Variants in KCNQ5 observed in about 807,000 individuals in gnomAD.
KCNQ5 encodes potassium voltage-gated channel subfamily KQT member 5.
A neutral mutation model predicts 98.2 loss-of-function variants in KCNQ5; 30 were observed. The ratio of observed to expected loss-of-function variants is 0.31; its 90% CI spans 0.23 to 0.41. KCNQ5 has a LOEUF of 0.41. Ranked by LOEUF, KCNQ5 falls within the 10% of genes least tolerant of loss-of-function variation. KCNQ5 has a pLI of 1.00. For synonymous variants in KCNQ5, 458 were observed against 449.4 expected (o/e 1.02, Z -0.24); for missense variants, 835 against 1,182.5 (o/e 0.71, Z 4.31).
intron 3 of KCNQ5, among the ~76,000 whole-genome samples, chr6:73,069,212 T>C (rs1261963751): frequency 1.3e-5 from 2 of 152,192 alleles, no homozygotes; most frequent in Non-Finnish European, 2.9e-5. Context: ...GTGTTTTATG[T>C]TTATATATTA....
At chr6:73,085,619 C>T (rs144030158) in intron 5 of KCNQ5, among the ~76,000 whole-genome samples, 1,601 of 152,228 alleles carry the variant, frequency 0.011, 12 homozygotes, top group Middle Eastern at 0.086. Context: ...TTTGCTCACC[C>T]CCAGAGGAAC....
intron 1 of KCNQ5, among the ~76,000 whole-genome samples, chr6:72,649,682 T>G (rs562080681): frequency 1.3e-4 from 20 of 152,288 alleles, no homozygotes; most frequent in African/African-American, 4.6e-4. Flanking sequence ...TAGAAAATTC[T>G]TCAGCTTGTA....
At chr6:73,088,691 T>A (rs1774096435) in intron 5 of KCNQ5, among the ~76,000 whole-genome samples, 2 of 152,228 alleles carry the variant, frequency 1.3e-5, no homozygotes, top group African/African-American at 4.8e-5. Flanking sequence ...GCATTAGTCA[T>A]ACTGACATTT....
chr6:72,987,342 CG>C, intron 1 of KCNQ5: 1 of 715,094 alleles, frequency 1.4e-6, no homozygotes, highest in Non-Finnish European at 2.6e-6. Flanking sequence ...CCAGGTGAGG[CG>C]AAAGGCCTTG....
intron 10 of KCNQ5, among the ~76,000 whole-genome samples, chr6:73,156,632 G>A (rs76918213): frequency 2.6e-5 from 4 of 151,326 alleles, no homozygotes; most frequent in Non-Finnish European, 5.9e-5. Flanking sequence ...CAAAAAAAAC[G>A]AAAACAAAAA....
At chr6:72,776,260 G>C (rs1057352281) in intron 1 of KCNQ5, among the ~76,000 whole-genome samples, 4 of 152,240 alleles carry the variant, frequency 2.6e-5, no homozygotes, top group East Asian at 1.9e-4. Flanking sequence ...ACAAGGAATA[G>C]TTGCATAACC....
chr6:72,642,759 T>C (rs1396253902), intron 1 of KCNQ5, among the ~76,000 whole-genome samples: 1 of 152,134 alleles, frequency 6.6e-6, no homozygotes, highest in Non-Finnish European at 1.5e-5. Context: ...CATTACTGGA[T>C]ATGTACCCAA....
intron 5 of KCNQ5, among the ~76,000 whole-genome samples, chr6:73,099,181 A>G (rs933109374): frequency 2.0e-5 from 3 of 152,166 alleles, no homozygotes; most frequent in African/African-American, 7.2e-5. Context: ...AAAGCAAGAA[A>G]CTAAATCATA....
intron 1 of KCNQ5, among the ~76,000 whole-genome samples, chr6:72,838,452 TAAC>T (rs1293528300): frequency 1.3e-5 from 2 of 152,150 alleles, no homozygotes; most frequent in Non-Finnish European, 2.9e-5. Context: ...AAACATAGCT[TAAC>T]AACACTGCTC....
Position 72,649,073 on chromosome 6 carries a change from C to G in KCNQ5, c.398+26486C>G, listed in dbSNP as rs191264710. 2.4e-4 allele frequency among the ~76,000 whole-genome samples: 37 copies of G among 152,210 alleles called. No individual in the cohort carries two copies. The East Asian group carries it at 7.2e-3, about 29-fold the overall frequency. Reference sequence around the variant, plus strand: ...CATGTGACCAAACAAATGCACGAAGCCTGGAGATGGCTGTGTTTGAGCACA... The same window carrying G: ...CATGTGACCAAACAAATGCACGAAGGCTGGAGATGGCTGTGTTTGAGCACA... On this transcript the variant is annotated intron_variant, in intron 1 of 13. Coordinates refer to ENST00000370398, the MANE Select transcript of KCNQ5 (RefSeq NM_019842.4).
In KCNQ5 at chr6:72,941,321, T is replaced by TTTCCTTCCTTCCTTCC. The variant is rs1207605174; in HGVS notation, c.399-62580_399-62565dup. 8.3e-4 allele frequency among the ~76,000 whole-genome samples: 54 copies of TTTCCTTCCTTCCTTCC among 65,332 alleles called. 1 individual carries two copies. The highest frequency in any genetic ancestry group is 1.7e-3 in the Admixed American group (6 of 3,622). 42.9% of individuals were successfully genotyped at this position (65,332 alleles called of 152,430 possible). A position where few individuals can be genotyped will look rare whatever the true frequency, so the allele number is the denominator to read the frequency against. ...CTCATCTTCCTTCCTTCCTTCCTTCTTTCCTTCCTTCCTTCCTTCCTTTCT... is the reference window on the plus strand; with the variant it reads ...CTCATCTTCCTTCCTTCCTTCCTTCTTTCCTTCCTTCCTTCCTTCCTTCCTTCCTTCCTTCCTTTCT... On this transcript the variant is annotated intron_variant, in intron 1 of 13. Coordinates refer to ENST00000370398, the MANE Select transcript of KCNQ5 (RefSeq NM_019842.4).
intron 1 of KCNQ5, chr6:72,986,891 G>C (rs114570188): frequency 0.028 from 24,574 of 866,956 alleles, 439 homozygotes; most frequent in Middle Eastern, 0.048. Flanking sequence ...GGATGCTGCG[G>C]ACACTTGCTC....
At chr6:72,785,225 G>A (rs988248574) in intron 1 of KCNQ5, among the ~76,000 whole-genome samples, 1 of 152,178 alleles carries the variant, frequency 6.6e-6, no homozygotes, top group African/African-American at 2.4e-5. Context: ...ACACATGCCT[G>A]CCTGAGTCTC....
intron 1 of KCNQ5, among the ~76,000 whole-genome samples, chr6:72,741,676 A>G (rs972512867): frequency 3.3e-5 from 5 of 152,200 alleles, no homozygotes; most frequent in Admixed American, 3.3e-4. Flanking sequence ...TGTGGCCTTG[A>G]TATACTATAA....
At chr6:72,889,086 G>A (rs1384136684) in intron 1 of KCNQ5, among the ~76,000 whole-genome samples, 1 of 152,210 alleles carries the variant, frequency 6.6e-6, no homozygotes, top group Non-Finnish European at 1.5e-5. Context: ...GACAGTGCCT[G>A]AGCAAAGAAA....
chr6:73,131,379 C>A (rs947098451), intron 9 of KCNQ5, among the ~76,000 whole-genome samples: 2 of 151,912 alleles, frequency 1.3e-5, no homozygotes, highest in Non-Finnish European at 2.9e-5. Context: ...TAAAACCAAC[C>A]TTTTATAGTA....
chr6:72,996,120 GT>G (rs1239571067), intron 1 of KCNQ5, among the ~76,000 whole-genome samples: 1 of 152,210 alleles, frequency 6.6e-6, no homozygotes, highest in Admixed American at 6.5e-5. Flanking sequence ...TACAATGTCT[GT>G]AAATATTTGT....
intron 1 of KCNQ5, among the ~76,000 whole-genome samples, chr6:72,978,628 A>G (rs191639770): frequency 6.6e-6 from 1 of 152,184 alleles, no homozygotes; most frequent in African/African-American, 2.4e-5. Context: ...ACACAGACTA[A>G]AGTAAGTGGA....
chr6:73,138,343 C>T (rs189720412), intron 10 of KCNQ5, among the ~76,000 whole-genome samples: 9 of 152,252 alleles, frequency 5.9e-5, no homozygotes, highest in Admixed American at 5.2e-4. Flanking sequence ...AGAAAATCTT[C>T]GGATTTCTGG....
Sources: gnomAD v4.1 joint callset for allele counts (sites outside exome capture counted in the v4.1 genomes callset) on GRCh38, gnomAD v4.1.1 for gene constraint, MANE v1.5 for transcripts, NCBI Gene and HGNC (gene_info 2026-07-23, HGNC 2026-07-21) for gene names.